ATF6: variants seen among roughly 807,000 people sequenced by gnomAD.
The protein encoded by ATF6 is activating transcription factor 6.
ATF6 carries 53 observed loss-of-function variants against 83.6 expected under a neutral mutation model. That is an observed-to-expected ratio of 0.63 (90% confidence interval 0.51 to 0.80). ATF6 has a LOEUF of 0.80. Ranked by LOEUF, ATF6 falls within the 30% of genes least tolerant of loss-of-function variation. ATF6 has a pLI of 0.00. For missense variants in ATF6, 744 were observed against 797.9 expected (o/e 0.93, Z 0.81); for synonymous variants, 288 against 285.8 (o/e 1.01, Z -0.08).
intron 1 of ATF6, 38 bp from the exon 2 acceptor site, chr1:161,778,206 A>G: frequency 1.3e-6 from 2 of 1,541,292 alleles, no homozygotes; most frequent in East Asian, 4.5e-5. Context: ...AAATAATTGA[A>G]TTGACAGTTC....
intron 14 of ATF6, among the ~76,000 whole-genome samples, chr1:161,900,631 C>T (rs933084550): frequency 1.3e-5 from 2 of 152,066 alleles, no homozygotes; most frequent in Non-Finnish European, 2.9e-5. Context: ...GTATTGACAA[C>T]AAATGAAGTC....
At chr1:161,920,905 T>A (rs1280307757) in intron 15 of ATF6, among the ~76,000 whole-genome samples, 2 of 152,228 alleles carry the variant, frequency 1.3e-5, no homozygotes, top group East Asian at 3.9e-4. Context: ...CAAAGGAGGC[T>A]CAGAAAGATA....
chr1:161,891,775 A>G (rs189595781), intron 14 of ATF6: 4 of 152,324 alleles, frequency 2.6e-5, no homozygotes, highest in African/African-American at 9.6e-5. Context: ...TCATGAAATT[A>G]CTGGAAATGT....
At chr1:161,816,529 G>C (rs1685617995) in intron 7 of ATF6, among the ~76,000 whole-genome samples, 1 of 152,190 alleles carries the variant, frequency 6.6e-6, no homozygotes, top group African/African-American at 2.4e-5. Flanking sequence ...TGGACTTGGA[G>C]TCAACTGACC....
intron 12 of ATF6, 115 bp downstream of exon 12, chr1:161,853,438 C>A: frequency 1.4e-6 from 1 of 734,122 alleles, no homozygotes; most frequent in Non-Finnish European, 2.4e-6. Context: ...CCTCTTCCCA[C>A]TGTCTCCTGC....
At chr1:161,926,005 T>C (rs1688303431) in intron 15 of ATF6, among the ~76,000 whole-genome samples, 1 of 152,166 alleles carries the variant, frequency 6.6e-6, no homozygotes, top group Non-Finnish European at 1.5e-5. Flanking sequence ...AGCCAGTTCA[T>C]CATGGCCTTG....
intron 14 of ATF6, among the ~76,000 whole-genome samples, chr1:161,863,630 TCTATTTAGGCTTTTC>T (rs1202498432): frequency 1.3e-5 from 2 of 152,320 alleles, no homozygotes; most frequent in East Asian, 1.9e-4. Flanking sequence ...ATAAAAATAT[TCTATTTAGGCTTTTC>T]CTATTTAGGC....
At chr1:161,941,599 A>G (rs749344543) in intron 15 of ATF6, among the ~76,000 whole-genome samples, 3 of 152,234 alleles carry the variant, frequency 2.0e-5, no homozygotes, top group African/African-American at 4.8e-5. Flanking sequence ...TTAGAGATGA[A>G]TGGTAACCCA....
At chr1:161,909,690 C>T (rs913725546) in intron 14 of ATF6, among the ~76,000 whole-genome samples, 1 of 152,092 alleles carries the variant, frequency 6.6e-6, no homozygotes, top group Non-Finnish European at 1.5e-5. Context: ...GTCACAGAGG[C>T]TCACACCTGT....
chr1:161,791,060 A>ATG lies in ATF6; in HGVS notation c.355-347_355-346insGT, dbSNP rs67323020. Among the ~76,000 whole-genome samples, 175 of 112,090 alleles carry ATG rather than the reference A, an allele frequency of 1.6e-3. 2 individuals carry two copies. In the East Asian group the frequency reaches 0.021, roughly 13 times the overall value. 73.5% of individuals were successfully genotyped at this position (112,090 alleles called of 152,430 possible). A position where few individuals can be genotyped will look rare whatever the true frequency, so the allele number is the denominator to read the frequency against. On this transcript the variant is annotated intron_variant, in intron 4 of 15. Transcript: ENST00000367942. ...TTTGTATGACTACGAACCAAGTTTT[A>ATG]TATGTGTGTGTGTGTGTGTGTGTCT...
At chr1:161,822,037 G>C (rs1685777905) in intron 9 of ATF6, among the ~76,000 whole-genome samples, 2 of 152,180 alleles carry the variant, frequency 1.3e-5, no homozygotes, top group African/African-American at 4.8e-5. Context: ...ACCGAATGGT[G>C]GTGCTGTCAT....
At chr1:161,945,930 G>A (rs2101914023) in intron 15 of ATF6, among the ~76,000 whole-genome samples, 1 of 152,272 alleles carries the variant, frequency 6.6e-6, no homozygotes, top group Admixed American at 6.5e-5. Flanking sequence ...ACATTTCTAT[G>A]TCTCCTGCTT....
intron 14 of ATF6, among the ~76,000 whole-genome samples, chr1:161,894,521 C>CTTTTTTTTTTTTTTTTTT (rs71093131): frequency 2.2e-5 from 1 of 44,850 alleles, no homozygotes; most frequent in African/African-American, 6.6e-5. Context: ...GTTTTGTAGT[C>CTTTTTTTTTTTTTTTTTT]TTTTTTTTTT....
intron 1 of ATF6, among the ~76,000 whole-genome samples, chr1:161,769,449 A>G (rs905404259): frequency 6.6e-5 from 10 of 152,256 alleles, no homozygotes; most frequent in African/African-American, 1.9e-4. Context: ...TCTGTTGTAC[A>G]TTCTATGGCA....
At chr1:161,936,191 T>G (rs1688532763) in intron 15 of ATF6, among the ~76,000 whole-genome samples, 1 of 152,246 alleles carries the variant, frequency 6.6e-6, no homozygotes, top group South Asian at 2.1e-4. Flanking sequence ...CCTTTTTTGT[T>G]GTGTTCTTAA....
At chr1:161,863,847 A>G (rs1279155274) in intron 14 of ATF6, among the ~76,000 whole-genome samples, 2 of 152,234 alleles carry the variant, frequency 1.3e-5, no homozygotes, top group African/African-American at 2.4e-5. Context: ...TAGCTTATGT[A>G]AAAGTAAATG....
Position 161,960,124 on chromosome 1 carries a change from A to G in ATF6, c.*1470A>G, listed in dbSNP as rs1222860292. The G allele has an allele frequency of 6.6e-6, 1 of 150,824 alleles. No homozygotes were observed. The highest frequency in any genetic ancestry group is 1.5e-5 in the Non-Finnish European group (1 of 67,858). 9.3% of individuals were successfully genotyped at this position (150,824 alleles called of 1,614,324 possible). On this transcript the variant is annotated 3_prime_UTR_variant, in exon 16 of 16. Coordinates refer to ENST00000367942, the MANE Select transcript of ATF6 (RefSeq NM_007348.4). ...AAAAAGCTGTGTTCATTTTTACTGT[A>G]CTATGCCTCTTTTTTCACCATAGTA...
At chr1:161,837,252 A>G (rs1041271720) in intron 9 of ATF6, among the ~76,000 whole-genome samples, 1 of 152,238 alleles carries the variant, frequency 6.6e-6, no homozygotes, top group African/African-American at 2.4e-5. Context: ...TTAGACTTCT[A>G]GGCAGTTTGC....
intron 1 of ATF6, among the ~76,000 whole-genome samples, chr1:161,776,651 C>A (rs61801252): frequency 0.011 from 1,737 of 152,226 alleles, 19 homozygotes; most frequent in Admixed American, 0.017. Flanking sequence ...CTGGGAAAAT[C>A]CAATTGTCAT....
Sources: allele counts gnomAD v4.1 joint callset (sites outside exome capture counted in the v4.1 genomes callset), GRCh38; gene constraint gnomAD v4.1.1; transcripts MANE v1.5; gene names NCBI Gene and HGNC (gene_info 2026-07-23, HGNC 2026-07-21).